The following HECW2 variants were observed in gnomAD, a reference collection of about 807,000 sequenced individuals.
HECW2 encodes E3 ubiquitin-protein ligase HECW2.
In HECW2, 61 loss-of-function variants were observed where a neutral mutation model predicts 175.2. The observed-to-expected ratio is 0.35, with a 90% confidence interval of 0.28 to 0.43. The LOEUF (loss-of-function observed/expected upper bound fraction) is 0.43, where lower values mean the gene tolerates loss of function less well. Ranked by LOEUF, HECW2 falls within the 20% of genes least tolerant of loss-of-function variation. The pLI, the probability that HECW2 is intolerant of heterozygous loss-of-function variation, is 1.00. For synonymous variants in HECW2, 671 were observed against 731.0 expected, an observed-to-expected ratio of 0.92 and a Z score of 1.32; for missense variants, 1,524 against 2,000.5, an observed-to-expected ratio of 0.76 and a Z score of 4.54.
intron 19 of HECW2, among the ~76,000 whole-genome samples, chr2:196,249,903 G>C (rs754602947): frequency 1.3e-5 from 2 of 152,168 alleles, no homozygotes; most frequent in African/African-American, 4.8e-5. Flanking sequence ...GGGTTACACA[G>C]GTCTTTGGAA....
intron 1 of HECW2, among the ~76,000 whole-genome samples, chr2:196,444,724 G>T (rs142124170): frequency 3.9e-5 from 6 of 152,346 alleles, no homozygotes; most frequent in African/African-American, 1.4e-4. Context: ...GGTGAACAGG[G>T]AAGGCCTCTC....
At chr2:196,492,875 G>T (rs1400951118) in intron 1 of HECW2, among the ~76,000 whole-genome samples, 2 of 151,778 alleles carry the variant, frequency 1.3e-5, no homozygotes, top group African/African-American at 2.4e-5. Context: ...CATTTTTTTT[G>T]ACAAAAACAA....
In HECW2 at chr2:196,320,456, G is replaced by A; in HGVS notation, c.885-17C>T. 6.4e-7 allele frequency: 1 copy of A among 1,551,398 alleles called. No homozygotes were observed. Among genetic ancestry groups the A allele is most frequent in the Non-Finnish European group, 8.9e-7 (1 of 1,125,114 alleles). On this transcript the variant is annotated splice_polypyrimidine_tract_variant and intron_variant, in intron 7 of 28. Transcript: ENST00000644978. ...ATTTGATCACTGCAAGAAGAGAAATGCTTCTTTCATCCTGACTACGCTGGA... is the reference window on the plus strand; with the variant it reads ...ATTTGATCACTGCAAGAAGAGAAATACTTCTTTCATCCTGACTACGCTGGA...
At chr2:196,292,052 A>T (rs920878715) in intron 14 of HECW2, 1 of 152,512 alleles carries the variant, frequency 6.6e-6, no homozygotes, top group Non-Finnish European at 1.5e-5. Flanking sequence ...GTCATAAATT[A>T]ATCAATCAGT....
chr2:196,551,389 A>G (rs1288563538), intron 1 of HECW2, among the ~76,000 whole-genome samples: 1 of 152,244 alleles, frequency 6.6e-6, no homozygotes, highest in African/African-American at 2.4e-5. Context: ...TGAGACCTTA[A>G]AAGACCAAAA....
chr2:196,463,380 C>T (rs1696821169), intron 1 of HECW2, among the ~76,000 whole-genome samples: 1 of 148,790 alleles, frequency 6.7e-6, no homozygotes, highest in Admixed American at 6.7e-5. Context: ...AGGCTGCACA[C>T]CACCCACCAC....
intron 20 of HECW2, among the ~76,000 whole-genome samples, chr2:196,240,774 C>A (rs1688420929): frequency 1.6e-5 from 2 of 128,196 alleles, no homozygotes; most frequent in African/African-American, 2.9e-5. Flanking sequence ...TGGTAGAGTA[C>A]CCTACCTATG....
chr2:196,337,495 T>C (rs930264993), intron 3 of HECW2, among the ~76,000 whole-genome samples: 3 of 151,814 alleles, frequency 2.0e-5, no homozygotes, highest in African/African-American at 4.8e-5. Context: ...CCATCTATCC[T>C]AGCTGCTTTT....
At chr2:196,542,770 T>A (rs956290142) in intron 1 of HECW2, among the ~76,000 whole-genome samples, 2 of 150,682 alleles carry the variant, frequency 1.3e-5, no homozygotes, top group African/African-American at 4.9e-5. Flanking sequence ...CATATATATA[T>A]AAATATATCT....
chr2:196,446,737 G>A (rs192252561), intron 1 of HECW2, among the ~76,000 whole-genome samples: 1 of 152,212 alleles, frequency 6.6e-6, no homozygotes, highest in East Asian at 1.9e-4. Context: ...AACAAAAGGT[G>A]CATCAAAGCA....
chr2:196,468,979 C>A (rs1417806131), intron 1 of HECW2, among the ~76,000 whole-genome samples: 1 of 152,040 alleles, frequency 6.6e-6, no homozygotes, highest in Non-Finnish European at 1.5e-5. Flanking sequence ...TACACTATAT[C>A]GTGATGGAAG....
At chr2:196,357,249 G>A (rs558118246) in intron 2 of HECW2, among the ~76,000 whole-genome samples, 6 of 148,734 alleles carry the variant, frequency 4.0e-5, no homozygotes, top group East Asian at 2.0e-4. Context: ...AGCTATAGCC[G>A]ATACAAATAT....
In HECW2 at chr2:196,302,403, T is replaced by A. The variant is rs1211143876; in HGVS notation, c.2814+4085A>T. On this transcript the variant is annotated intron_variant, in intron 13 of 28. Coordinates refer to ENST00000644978, the MANE Select transcript of HECW2 (RefSeq NM_001348768.2). ...AGGATTGTCTTGACTATTCAGGCTC[T>A]TTTTTGGTTCTATATGAATTTTAAA... 7.2e-5 allele frequency among the ~76,000 whole-genome samples: 11 copies of A among 152,360 alleles called. No individual in the cohort carries two copies. In the East Asian group the frequency reaches 2.1e-3, roughly 29 times the overall value.
At chr2:196,498,715 T>C (rs1360938575) in intron 1 of HECW2, among the ~76,000 whole-genome samples, 2 of 152,234 alleles carry the variant, frequency 1.3e-5, no homozygotes, top group Non-Finnish European at 2.9e-5. Flanking sequence ...TCTGCTAAGA[T>C]GTAGGTATAG....
At chr2:196,322,347 A>G in intron 7 of HECW2, 131 bp downstream of exon 7, 1 of 639,604 alleles carries the variant, frequency 1.6e-6, no homozygotes, top group Non-Finnish European at 2.6e-6. Flanking sequence ...GTGTAAGGAC[A>G]CTTTTATTTT....
intron 2 of HECW2, among the ~76,000 whole-genome samples, chr2:196,408,368 A>G (rs185955898): frequency 3.5e-4 from 54 of 152,318 alleles, no homozygotes; most frequent in Admixed American, 3.1e-3. Flanking sequence ...TCAGTCTCTC[A>G]GCTTCCTTAT....
At chr2:196,455,725 A>T (rs1280083534) in intron 1 of HECW2, among the ~76,000 whole-genome samples, 1 of 152,156 alleles carries the variant, frequency 6.6e-6, no homozygotes, top group Non-Finnish European at 1.5e-5. Flanking sequence ...TTTAATAAAG[A>T]CCACAGTAAT....
At chr2:196,401,651 C>T (rs982338888) in intron 2 of HECW2, among the ~76,000 whole-genome samples, 29 of 152,124 alleles carry the variant, frequency 1.9e-4, no homozygotes, top group Non-Finnish European at 3.1e-4. Flanking sequence ...TTTATATACA[C>T]AGGAGTGAAT....
At chr2:196,242,356 T>C (rs1688488368) in intron 19 of HECW2, 152 bp from the exon 20 acceptor site, 2 of 949,352 alleles carry the variant, frequency 2.1e-6, no homozygotes, top group Admixed American at 2.8e-5. Flanking sequence ...TTGAAGGATA[T>C]AACAAACCTC....
Sources: gnomAD v4.1 joint callset for allele counts (sites outside exome capture counted in the v4.1 genomes callset) on GRCh38, gnomAD v4.1.1 for gene constraint, MANE v1.5 for transcripts, NCBI Gene and HGNC (gene_info 2026-07-23, HGNC 2026-07-21) for gene names.